The following SEPTIN10 variants were observed in gnomAD, a reference collection of about 807,000 sequenced individuals.
SEPTIN10 encodes septin-10.
A neutral mutation model predicts 54.8 loss-of-function variants in SEPTIN10; 66 were observed. That is an observed-to-expected ratio of 1.21 (90% CI 0.99 to 1.48). The LOEUF (loss-of-function observed/expected upper bound fraction) is 1.48. Ranked by LOEUF, SEPTIN10 falls within the 40% of genes most tolerant of loss-of-function variation. The pLI, the probability that SEPTIN10 is intolerant of heterozygous loss-of-function variation, is 0.00. For missense variants in SEPTIN10, 620 were observed against 545.6 expected (o/e 1.14, Z -1.36); for synonymous variants, 161 against 181.0 (o/e 0.89, Z 0.89).
intron 1 of SEPTIN10, among the ~76,000 whole-genome samples, chr2:109,598,747 T>A (rs1695890051): frequency 6.6e-6 from 1 of 151,612 alleles, no homozygotes; most frequent in South Asian, 2.1e-4. Context: ...GGAGGCTAGG[T>A]TCAATTAATT....
chr2:109,608,059 T>C (rs759746605), intron 1 of SEPTIN10, among the ~76,000 whole-genome samples: 4 of 152,248 alleles, frequency 2.6e-5, no homozygotes, highest in Non-Finnish European at 2.9e-5. Flanking sequence ...ACATTTCTCA[T>C]CTATACACAT....
At chr2:109,580,558 C>T (rs1690872274) in intron 4 of SEPTIN10, among the ~76,000 whole-genome samples, 1 of 151,938 alleles carries the variant, frequency 6.6e-6, no homozygotes, top group South Asian at 2.1e-4. Context: ...GGGATGGTGC[C>T]CACTACCATC....
chr2:109,558,742 C>T (rs1266600389), intron 8 of SEPTIN10, among the ~76,000 whole-genome samples: 1 of 152,142 alleles, frequency 6.6e-6, no homozygotes, highest in Non-Finnish European at 1.5e-5. Context: ...CCAGGAAGTA[C>T]AGTCACATAA....
chr2:109,593,168 C>A, intron 1 of SEPTIN10, 49 bp from the exon 2 acceptor site: 1 of 1,250,294 alleles, frequency 8.0e-7, no homozygotes, highest in Non-Finnish European at 1.1e-6. Context: ...CATTACTCCC[C>A]AAACCCCATT....
chr2:109,592,607 C>A (rs1008110374), intron 2 of SEPTIN10, among the ~76,000 whole-genome samples: 3 of 151,530 alleles, frequency 2.0e-5, no homozygotes, highest in Admixed American at 6.6e-5. Context: ...GGTGAAACCC[C>A]ATCTCTACTA....
intron 9 of SEPTIN10, among the ~76,000 whole-genome samples, chr2:109,550,335 C>T (rs190028653): frequency 5.9e-4 from 88 of 149,966 alleles, no homozygotes; most frequent in African/African-American, 2.1e-3. Flanking sequence ...TTTTTTGAGA[C>T]GGATTCTCGC....
intron 9 of SEPTIN10, among the ~76,000 whole-genome samples, chr2:109,552,044 C>A (rs1488161794): frequency 2.6e-5 from 4 of 152,192 alleles, no homozygotes; most frequent in African/African-American, 9.7e-5. Flanking sequence ...GCCTGAGCTC[C>A]GCCTACTGTC....
At chr2:109,588,847 T>C (rs927701398) in intron 2 of SEPTIN10, among the ~76,000 whole-genome samples, 5 of 85,294 alleles carry the variant, frequency 5.9e-5, no homozygotes, top group Non-Finnish European at 1.1e-4. Flanking sequence ...GGTCAATTAC[T>C]ATTAAAAAAA....
At chr2:109,591,577 C>A (rs1036330434) in intron 2 of SEPTIN10, among the ~76,000 whole-genome samples, 1 of 152,254 alleles carries the variant, frequency 6.6e-6, no homozygotes, top group East Asian at 1.9e-4. Context: ...TATTGGAGCA[C>A]AGAACTAAAG....
intron 4 of SEPTIN10, among the ~76,000 whole-genome samples, chr2:109,580,115 C>T (rs914039273): frequency 1.2e-4 from 18 of 151,480 alleles, no homozygotes; most frequent in Non-Finnish European, 2.5e-4. Flanking sequence ...GAGTGAAGTT[C>T]CATCTTAAAA....
intron 8 of SEPTIN10, among the ~76,000 whole-genome samples, chr2:109,554,857 C>T (rs1683998377): frequency 6.6e-6 from 1 of 152,122 alleles, no homozygotes. Context: ...ATATGGAGTA[C>T]TAGAGTCACT....
chr2:109,610,593 G>C (rs1699049132), intron 1 of SEPTIN10, among the ~76,000 whole-genome samples: 1 of 152,218 alleles, frequency 6.6e-6, no homozygotes, highest in African/African-American at 2.4e-5. Flanking sequence ...GCACATGCCT[G>C]TAATCCCAAC....
At chr2:109,613,325 T>C (rs1240642099) in intron 1 of SEPTIN10, 16 of 402,344 alleles carry the variant, frequency 4.0e-5, no homozygotes, top group Non-Finnish European at 6.5e-5. Flanking sequence ...GGAGGAAAAC[T>C]TGGACGACCA....
At chr2:109,575,531 T>TC (rs1366787284) in intron 4 of SEPTIN10, among the ~76,000 whole-genome samples, 1 of 152,222 alleles carries the variant, frequency 6.6e-6, no homozygotes, top group East Asian at 1.9e-4. Context: ...TATTCAGCCT[T>TC]CAAGATGCAA....
In SEPTIN10 at chr2:109,560,312, C is replaced by A. The variant is rs557472725; in HGVS notation, c.1028+4054G>T. Among the ~76,000 whole-genome samples the A allele has an allele frequency of 1.8e-3, 274 of 152,262 alleles. 1 individual carries two copies. In the South Asian group the frequency reaches 0.022, roughly 12 times the overall value. The stretch of plus-strand genomic sequence containing the variant: ...CACCTCTGTACTTGTGCAGCATAAA[C>A]CTGGACCTCAACTTTGACACAGCAG... On this transcript the variant is annotated intron_variant, in intron 8 of 10. Coordinates refer to ENST00000397712, the MANE Select transcript of SEPTIN10 (RefSeq NM_144710.5).
rs765515150 is a variant in SEPTIN10 at position 109,585,716 on chromosome 2, C to G, written c.217+5G>C. On this transcript the variant is annotated splice_donor_5th_base_variant and intron_variant, in intron 3 of 10. Transcript: ENST00000397712. ...CAACTTAGAGGAAGAGTAGGTGGCA[C>G]GTACCCACACAGAGAATATTAAAGC... 1.9e-6 allele frequency: 3 copies of G among 1,592,582 alleles called. No individual in the cohort carries two copies. Among genetic ancestry groups the G allele is most frequent in the Middle Eastern group, 2.1e-4 (1 of 4,818 alleles).
In SEPTIN10 at chr2:109,585,795, C is replaced by T. The variant is rs1218480171; in HGVS notation, c.143G>A (p.Gly48Asp). 6.2e-6 allele frequency: 10 copies of T among 1,613,874 alleles called. No individual in the cohort carries two copies. The highest frequency in any genetic ancestry group is 7.6e-6 in the Non-Finnish European group (9 of 1,179,972). The change falls in exon 3 of 11, where the codon GGT (glycine) becomes GAT (aspartate). Residue 48 changes from glycine (G) to aspartate (D), a missense_variant. Transcript: ENST00000397712. ...CAGCTGATCAGGCAAACTCTCAAAA[C>T]CAACATGGCCAGACATAGTCAACGA... is the stretch of plus-strand genomic sequence containing the variant. ...IRSLTMSGHV[G>D]FESLPDQLVN...
At chr2:109,546,478 T>C (rs569636764) in intron 9 of SEPTIN10, among the ~76,000 whole-genome samples, 1 of 152,342 alleles carries the variant, frequency 6.6e-6, no homozygotes, top group East Asian at 1.9e-4. Context: ...AAAACTATTT[T>C]TAAAACATTG....
At chr2:109,556,736 A>AC (rs1476670260) in intron 8 of SEPTIN10, among the ~76,000 whole-genome samples, 1 of 152,166 alleles carries the variant, frequency 6.6e-6, no homozygotes, top group Non-Finnish European at 1.5e-5. Flanking sequence ...CACTAGTCCA[A>AC]CATGACTGAT....
Sources: gnomAD v4.1 joint callset for allele counts (sites outside exome capture counted in the v4.1 genomes callset) on GRCh38, gnomAD v4.1.1 for gene constraint, MANE v1.5 for transcripts, NCBI Gene and HGNC (gene_info 2026-07-23, HGNC 2026-07-21) for gene names.